PCDH9: variants seen among roughly 807,000 people sequenced by gnomAD.
PCDH9 encodes protocadherin-9.
PCDH9 carries 24 observed loss-of-function variants against 70.6 expected under a neutral mutation model. That is an observed-to-expected ratio of 0.34 (90% CI 0.25 to 0.48). PCDH9 has a LOEUF of 0.48. PCDH9 is among the 20% of genes least tolerant of loss of function. The pLI is 0.99. For synonymous variants in PCDH9, 562 were observed against 558.5 expected, an observed-to-expected ratio of 1.01 and a Z score of -0.09; for missense variants, 1,281 against 1,503.6, an observed-to-expected ratio of 0.85 and a Z score of 2.45.
chr13:66,619,140 A>T (rs545481233), intron 4 of PCDH9, among the ~76,000 whole-genome samples: 2 of 152,270 alleles, frequency 1.3e-5, no homozygotes, highest in East Asian at 3.9e-4. Context: ...TAACTACATT[A>T]AGTAATATTA....
chr13:66,850,108 A>C (rs2081291183), intron 3 of PCDH9, among the ~76,000 whole-genome samples: 1 of 152,186 alleles, frequency 6.6e-6, no homozygotes, highest in South Asian at 2.1e-4. Context: ...ATATTACAAC[A>C]ATAATTTTGT....
intron 2 of PCDH9, among the ~76,000 whole-genome samples, chr13:67,048,995 A>G (rs576886300): frequency 6.6e-6 from 1 of 152,346 alleles, no homozygotes; most frequent in South Asian, 2.1e-4. Context: ...GAGACCAAAA[A>G]TCTGAGTCAC....
intron 4 of PCDH9, among the ~76,000 whole-genome samples, chr13:66,480,321 A>C (rs953188256): frequency 1.3e-5 from 2 of 152,206 alleles, no homozygotes; most frequent in African/African-American, 4.8e-5. Context: ...TTTATGGATG[A>C]GCAAAGAAGG....
chr13:67,095,096 G>A (rs551810769), intron 2 of PCDH9, among the ~76,000 whole-genome samples: 9 of 151,944 alleles, frequency 5.9e-5, no homozygotes, highest in African/African-American at 2.2e-4. Context: ...CTTTCAAATC[G>A]TTTTGTTCAT....
chr13:67,053,812 T>G (rs2085368133), intron 2 of PCDH9, among the ~76,000 whole-genome samples: 1 of 152,224 alleles, frequency 6.6e-6, no homozygotes, highest in Admixed American at 6.5e-5. Context: ...ATCTCATGAT[T>G]ACTTGAATAA....
intron 4 of PCDH9, among the ~76,000 whole-genome samples, chr13:66,429,442 T>TTTTTAA (rs10665033): frequency 6.6e-6 from 1 of 150,598 alleles, no homozygotes; most frequent in Non-Finnish European, 1.5e-5. Context: ...TTTTTTTTTT[T>TTTTTAA]AATATTTTGC....
intron 2 of PCDH9, among the ~76,000 whole-genome samples, chr13:67,145,293 C>T (rs1340831963): frequency 6.6e-6 from 1 of 152,002 alleles, no homozygotes; most frequent in Non-Finnish European, 1.5e-5. Context: ...GAACAAGATG[C>T]TTGTAAATGA....
At chr13:66,716,496 G>A (rs9599137) in intron 3 of PCDH9, among the ~76,000 whole-genome samples, 46,629 of 151,904 alleles carry the variant, frequency 0.31, 8,155 homozygotes, top group East Asian at 0.51. Context: ...AAAGGACTTG[G>A]GTGGGTATTA....
At chr13:66,714,463 C>CAA (rs761478779) in intron 3 of PCDH9, among the ~76,000 whole-genome samples, 175 of 80,956 alleles carry the variant, frequency 2.2e-3, no homozygotes, top group African/African-American at 7.9e-3. Context: ...GACTCCGTCT[C>CAA]AAAAAAAAAA....
chr13:67,005,950 G>T (rs1489059964), intron 2 of PCDH9, among the ~76,000 whole-genome samples: 1 of 152,208 alleles, frequency 6.6e-6, no homozygotes, highest in Admixed American at 6.5e-5. Flanking sequence ...TTATAGGCCA[G>T]GCGCGGCGGC....
At chr13:66,799,766 T>C (rs907235667) in intron 3 of PCDH9, among the ~76,000 whole-genome samples, 2 of 152,226 alleles carry the variant, frequency 1.3e-5, no homozygotes, top group African/African-American at 2.4e-5. Context: ...CAATTTACAA[T>C]GTCAGAAACC....
At chr13:67,082,897 C>T (rs1030000818) in intron 2 of PCDH9, among the ~76,000 whole-genome samples, 2 of 152,018 alleles carry the variant, frequency 1.3e-5, no homozygotes, top group African/African-American at 4.8e-5. Context: ...TAATAGCAAA[C>T]TTTGAAACTT....
In PCDH9 at chr13:66,304,545, A is replaced by G. The variant is rs1235023945; in HGVS notation, c.*110T>C. 3 of 805,234 alleles carry G rather than the reference A, an allele frequency of 3.7e-6. No homozygotes were observed. The highest frequency in any genetic ancestry group is 4.1e-6 in the Non-Finnish European group (2 of 490,810). 49.9% of individuals were successfully genotyped at this position (805,234 alleles called of 1,614,324 possible). A position where few individuals can be genotyped will look rare whatever the true frequency, so the allele number is the denominator to read the frequency against. ...ATGGTGCTAACACAAAGTTATAGGT[A>G]TCCCTGCTAGAAGGGGCATAGTTGT... On this transcript the variant is annotated 3_prime_UTR_variant, in exon 5 of 5. Coordinates refer to ENST00000377865, the MANE Select transcript of PCDH9 (RefSeq NM_203487.3).
intron 3 of PCDH9, among the ~76,000 whole-genome samples, chr13:66,828,466 C>G (rs1806190920): frequency 6.6e-6 from 1 of 152,142 alleles, no homozygotes; most frequent in Non-Finnish European, 1.5e-5. Flanking sequence ...TACCACTATT[C>G]ATATCTCTCT....
At chr13:66,988,159 T>C (rs1199437683) in intron 2 of PCDH9, among the ~76,000 whole-genome samples, 1 of 152,002 alleles carries the variant, frequency 6.6e-6, no homozygotes, top group Non-Finnish European at 1.5e-5. Context: ...CCTTGGGAAC[T>C]TTTATTTCTA....
At chr13:67,215,594 A>C (rs964847570) in intron 2 of PCDH9, 4 of 152,098 alleles carry the variant, frequency 2.6e-5, no homozygotes, top group Admixed American at 2.6e-4. Flanking sequence ...TTATTTCCTA[A>C]TATGAAAAAC....
chr13:66,748,835 C>G (rs1238251320), intron 3 of PCDH9, among the ~76,000 whole-genome samples: 1 of 152,158 alleles, frequency 6.6e-6, no homozygotes, highest in South Asian at 2.1e-4. Flanking sequence ...TGGTTTGGCT[C>G]TGTGTCCCCA....
chr13:67,110,385 G>A (rs2086634090), intron 2 of PCDH9, among the ~76,000 whole-genome samples: 1 of 151,680 alleles, frequency 6.6e-6, no homozygotes, highest in African/African-American at 2.4e-5. Flanking sequence ...GTGGCAGCAT[G>A]CGCCTGTAGT....
At chr13:66,696,915 A>C (rs1274274470) in intron 3 of PCDH9, among the ~76,000 whole-genome samples, 1 of 151,716 alleles carries the variant, frequency 6.6e-6, no homozygotes, top group Non-Finnish European at 1.5e-5. Flanking sequence ...AGCCTGGGCA[A>C]CATAGTGAGA....
Sources: gnomAD v4.1 joint callset for allele counts (sites outside exome capture counted in the v4.1 genomes callset) on GRCh38, gnomAD v4.1.1 for gene constraint, MANE v1.5 for transcripts, NCBI Gene and HGNC (gene_info 2026-07-23, HGNC 2026-07-21) for gene names.